Variants in PPP2R3B observed in about 807,000 individuals in gnomAD.
The protein encoded by PPP2R3B is protein phosphatase 2 regulatory subunit B''beta, also known as serine/threonine-protein phosphatase 2A regulatory subunit B'' subunit beta.
PPP2R3B carries 68 observed loss-of-function variants against 72.9 expected under a neutral mutation model. That is an observed-to-expected ratio of 0.93 (90% CI 0.77 to 1.14). PPP2R3B has a LOEUF of 1.14. Ranked by LOEUF, PPP2R3B falls within the 50% of genes most tolerant of loss-of-function variation. PPP2R3B has a pLI of 0.00. For synonymous variants in PPP2R3B, 466 were observed against 375.8 expected, an observed-to-expected ratio of 1.24 and a Z score of -2.78; for missense variants, 1,018 against 842.0, an observed-to-expected ratio of 1.21 and a Z score of -2.59.
intron 7 of PPP2R3B, 86 bp from the exon 8 acceptor site, chrX:342,017 G>A: frequency 6.5e-7 from 1 of 1,533,150 alleles, no homozygotes; most frequent in Non-Finnish European, 9.0e-7. Flanking sequence ...TGGATGCGGT[G>A]GGGACCGAAA....
chrX:355,499 G>A (rs1213196209), intron 2 of PPP2R3B, among the ~76,000 whole-genome samples: 4 of 152,176 alleles, frequency 2.6e-5, no homozygotes, highest in Non-Finnish European at 5.9e-5. Context: ...AAATTCACAC[G>A]GTGGGAACGA....
chrX:362,706 T>C (rs1217418701), intron 1 of PPP2R3B, among the ~76,000 whole-genome samples: 1 of 152,008 alleles, frequency 6.6e-6, no homozygotes, highest in Non-Finnish European at 1.5e-5. Context: ...CTCAGGGCCT[T>C]TGCACCCACA....
chrX:370,017 C>T (rs1451895234), intron 1 of PPP2R3B, among the ~76,000 whole-genome samples: 9 of 152,172 alleles, frequency 5.9e-5, no homozygotes, highest in African/African-American at 1.9e-4. Context: ...GCTGCAAGCT[C>T]TGAGCATTCT....
chrX:350,230 C>T (rs933416155), intron 2 of PPP2R3B, among the ~76,000 whole-genome samples: 3 of 152,222 alleles, frequency 2.0e-5, no homozygotes, highest in South Asian at 2.1e-4. Flanking sequence ...AGACACTTCA[C>T]ACAAACTGAA....
rs1404424063 is a variant in PPP2R3B at position 334,429 on chromosome X, G to C, written c.1666C>G (p.Pro556Ala). The C allele has an allele frequency of 7.5e-6, 12 of 1,595,072 alleles. No individual in the cohort carries two copies. Among genetic ancestry groups the C allele is most frequent in the Middle Eastern group, 2.2e-4 (1 of 4,512 alleles). ...AQRPFFEAPS[P>A]LGAVDLYEYA... is the part of the protein sequence containing the mutation. The stretch of plus-strand genomic sequence containing the variant: ...TCGTACAGGTCCACGGCGCCCAGCG[G>C]TGAGGGCGCCTCGAAGAAGGGCCTC... Residue 556 changes from proline to alanine, a missense_variant, in exon 13 of 13, where the codon CCG (proline) becomes GCG (alanine). Physicochemically the swap from Pro to Ala is conservative, Grantham distance 27. Transcript: ENST00000390665.
intron 9 of PPP2R3B, 135 bp downstream of exon 9, chrX:341,143 TGCACATGTCCCCCTGTGCCGTGCAGCCCC>T (rs1569379653): frequency 1.1e-5 from 1 of 94,126 alleles, no homozygotes; most frequent in African/African-American, 4.1e-4. Flanking sequence ...CCACCAGGCG[TGCACATGTCCCCCTGTGCCGTGCAGCCCC>T]CACCGGGCGT....
At chrX:341,495 C>CCCG (rs996069149) in intron 8 of PPP2R3B, 99 bp from the exon 9 acceptor site, 10 of 1,300,186 alleles carry the variant, frequency 7.7e-6, no homozygotes, top group East Asian at 2.3e-5. Context: ...GGGAGCCCCC[C>CCCG]GGGCCCGGCC....
intron 4 of PPP2R3B, 96 bp from the exon 5 acceptor site, chrX:346,871 G>T: frequency 1.7e-6 from 2 of 1,173,586 alleles, no homozygotes; most frequent in South Asian, 1.3e-5. Context: ...TCCCGTGAGC[G>T]ATGAGGTGTG....
chrX:362,434 G>C (rs1456771354), intron 1 of PPP2R3B: 1 of 152,716 alleles, frequency 6.5e-6, no homozygotes, highest in African/African-American at 2.4e-5. Context: ...CTGAAGGGAC[G>C]GGGCTGCGTC....
intron 2 of PPP2R3B, among the ~76,000 whole-genome samples, chrX:351,656 T>A (rs1231180731): frequency 9.0e-6 from 1 of 111,262 alleles, no homozygotes; most frequent in Non-Finnish European, 1.9e-5. Flanking sequence ...GGTCTTGCTG[T>A]TGCCCAGGCT....
chrX:358,970 GCGGGGAAGCACCGCGGC>G (rs1405800390), intron 2 of PPP2R3B, among the ~76,000 whole-genome samples: 2 of 150,770 alleles, frequency 1.3e-5, no homozygotes, highest in Non-Finnish European at 3.0e-5. Context: ...CGGCGCCCTG[GCGGGGAAGCACCGCGGC>G]CGGGGAGGGG....
At chrX:357,722 G>A (rs1267213792) in intron 2 of PPP2R3B, among the ~76,000 whole-genome samples, 1 of 152,136 alleles carries the variant, frequency 6.6e-6, no homozygotes, top group African/African-American at 2.4e-5. Context: ...AGCCAACAAC[G>A]TTTGAAGGAA....
intron 2 of PPP2R3B, among the ~76,000 whole-genome samples, chrX:354,242 A>G (rs868244209): frequency 0.27 from 16,347 of 60,186 alleles, 1,415 homozygotes; most frequent in Admixed American, 0.38. Context: ...GGCTCACCCA[A>G]ACACTGGGGG....
Position 346,783 on chromosome X carries a change from T to C in PPP2R3B, c.718-8A>G. 6.2e-7 allele frequency: 1 copy of C among 1,607,988 alleles called. No individual in the cohort carries two copies. Among genetic ancestry groups the C allele is most frequent in the Non-Finnish European group, 8.5e-7 (1 of 1,177,372 alleles). On this transcript the variant is annotated splice_region_variant and splice_polypyrimidine_tract_variant and intron_variant, in intron 4 of 12. Transcript: ENST00000390665. The stretch of plus-strand genomic sequence containing the variant: ...GTGCGTGTTCACCACGTCCTGCGGG[T>C]GGGAAGACACGAGGCGCGTGGTGTA...
At chrX:364,813 G>A (rs1383702932) in intron 1 of PPP2R3B, among the ~76,000 whole-genome samples, 53 of 61,686 alleles carry the variant, frequency 8.6e-4, no homozygotes, top group Non-Finnish European at 6.3e-4. Context: ...AACACAGGAG[G>A]CGGAGGTTGC....
chrX:353,450 C>G (rs997663609), intron 2 of PPP2R3B, among the ~76,000 whole-genome samples: 1 of 152,172 alleles, frequency 6.6e-6, no homozygotes, highest in Non-Finnish European at 1.5e-5. Flanking sequence ...AAAACCTTCC[C>G]ACAGAGAAAA....
rs779990036 is a variant in PPP2R3B at position 334,434 on chromosome X, G to T, written c.1661C>A (p.Pro554His). 6 of 1,595,794 alleles carry T rather than the reference G, an allele frequency of 3.8e-6. No individual in the cohort carries two copies. In the South Asian group the frequency reaches 6.7e-5, roughly 18 times the overall value. Residue 554 changes from proline (P) to histidine (H), a missense_variant, in exon 13 of 13, where the codon CCC becomes CAC. Coordinates refer to ENST00000390665, the MANE Select transcript of PPP2R3B (RefSeq NM_013239.5). ...PLAQRPFFEAPSPLGAVDLYE... is the reference protein window; with the variant it reads ...PLAQRPFFEAHSPLGAVDLYE... ...CAGGTCCACGGCGCCCAGCGGTGAG[G>T]GCGCCTCGAAGAAGGGCCTCTGGGC... is the stretch of plus-strand genomic sequence containing the variant.
intron 1 of PPP2R3B, among the ~76,000 whole-genome samples, chrX:374,824 C>G (rs1261773335): frequency 2.0e-5 from 3 of 152,154 alleles, no homozygotes; most frequent in Admixed American, 2.0e-4. Flanking sequence ...TCTGGAAAAA[C>G]GCAGGATGAC....
intron 2 of PPP2R3B, among the ~76,000 whole-genome samples, chrX:354,103 C>T (rs780946700): frequency 4.2e-5 from 5 of 117,922 alleles, no homozygotes; most frequent in East Asian, 2.5e-4. Flanking sequence ...ACCAGGGGCT[C>T]GCCCAAACAC....
Sources: gnomAD v4.1 joint callset for allele counts (sites outside exome capture counted in the v4.1 genomes callset) on GRCh38, gnomAD v4.1.1 for gene constraint, MANE v1.5 for transcripts, NCBI Gene and HGNC (gene_info 2026-07-23, HGNC 2026-07-21) for gene names.